Variants in TRPM2 observed in about 807,000 individuals in gnomAD.
TRPM2 encodes the protein estrogen-responsive element-associated gene 1 protein.
Under a neutral mutation model 174.0 loss-of-function variants are expected in TRPM2, and 161 were observed. The observed-to-expected ratio is 0.93, with a 90% CI of 0.81 to 1.05. The LOEUF is 1.05. Among genes scored for constraint, TRPM2 ranks in the 50% least tolerant of loss-of-function variants. The pLI is 0.00. For synonymous variants in TRPM2, 954 were observed against 861.3 expected (o/e 1.11, Z -1.88); for missense variants, 2,057 against 2,038.0 (o/e 1.01, Z -0.18).
chr21:44,428,061 G>A (rs1033322611), intron 27 of TRPM2, among the ~76,000 whole-genome samples: 3 of 152,176 alleles, frequency 2.0e-5, no homozygotes, highest in African/African-American at 7.2e-5. Flanking sequence ...GACTTGGCAG[G>A]ACGTGGTGTC....
intron 22 of TRPM2, among the ~76,000 whole-genome samples, chr21:44,420,048 G>T (rs961274065): frequency 1.3e-5 from 2 of 152,060 alleles, no homozygotes; most frequent in African/African-American, 4.8e-5. Context: ...GGACCTTAAT[G>T]AACTAGCTGA....
Position 44,400,379 on chromosome 21 carries a change from AGGGCTGCGGGGCTGCGGGACTGTG to A in TRPM2, c.2321+28_2321+51del, listed in dbSNP as rs778185559. 47 of 1,607,366 alleles carry A rather than the reference AGGGCTGCGGGGCTGCGGGACTGTG, an allele frequency of 2.9e-5. No individual in the cohort carries two copies. Among genetic ancestry groups the A allele is most frequent in the South Asian group, 1.3e-4 (12 of 90,750 alleles). ...CGGCCTCATCTCCTTCAGGTGCTGC[AGGGCTGCGGGGCTGCGGGACTGTG>A]GGGCTGCGGGGCTGCGGGAGAGGCT... is the stretch of plus-strand genomic sequence containing the variant. On this transcript the variant is annotated intron_variant, in intron 15 of 31. Transcript: ENST00000397928.
Position 44,441,985 on chromosome 21 carries a change from C to T in TRPM2, c.*168C>T. On this transcript the variant is annotated 3_prime_UTR_variant, in exon 32 of 32. Coordinates refer to ENST00000397928, the MANE Select transcript of TRPM2 (RefSeq NM_003307.4). ...CTGCCGCAAGTCTGCTGCAGATGAC[C>T]TCATGAACTGGAAGGGGTCAAGGTG... 2 of 1,039,006 alleles carry T rather than the reference C, an allele frequency of 1.9e-6. No homozygotes were observed. The highest frequency in any genetic ancestry group is 2.6e-6 in the Non-Finnish European group (2 of 772,236). 64.4% of individuals were successfully genotyped at this position (1,039,006 alleles called of 1,614,324 possible).
At chr21:44,418,301 G>T (rs1004407921) in intron 21 of TRPM2, 122 bp from the exon 22 acceptor site, 43 of 1,431,104 alleles carry the variant, frequency 3.0e-5, no homozygotes, top group Non-Finnish European at 3.9e-5. Flanking sequence ...GCAGGTGTGC[G>T]ATGGGCTCTT....
At position 44,366,984 on chromosome 21, in the gene TRPM2, G is replaced by T. The variant is rs773883279; in HGVS notation, c.604+50G>T. 3 of 1,526,626 alleles carry T rather than the reference G, an allele frequency of 2.0e-6. No individual in the cohort carries two copies. The highest frequency in any genetic ancestry group is 2.6e-6 in the Non-Finnish European group (3 of 1,135,424). The allele number at this position is 1,526,626 out of a possible 1,614,324, so 94.6% of individuals were successfully genotyped here. ...GAGGCCCCGGCGGGTGGGGTGGGCTGTGGAGGCAGTGCTGGGGCAATCAGG... is the reference window on the plus strand; with the variant it reads ...GAGGCCCCGGCGGGTGGGGTGGGCTTTGGAGGCAGTGCTGGGGCAATCAGG... On this transcript the variant is annotated intron_variant, in intron 4 of 31. Coordinates refer to ENST00000397928, the MANE Select transcript of TRPM2 (RefSeq NM_003307.4). This position sits in a 1 kb window ranked among gnomAD's most constrained non-coding sequence, Gnocchi z 6.0.
rs1380088620 is a variant in TRPM2, at chr21:44,439,435, G to A, written c.4269+267G>A. ...CTCTAAATCAAGGGGGATGGGCTGAGGACCCTTGCTGCCTTCGAGTGTGAC... is the reference window on the plus strand; with the variant it reads ...CTCTAAATCAAGGGGGATGGGCTGAAGACCCTTGCTGCCTTCGAGTGTGAC... On this transcript the variant is annotated intron_variant, in intron 30 of 31. Transcript: ENST00000397928. This position sits in a 1 kb window ranked among gnomAD's most constrained non-coding sequence, Gnocchi z 5.1. Among the ~76,000 whole-genome samples the A allele has an allele frequency of 6.6e-6, 1 of 152,176 alleles. No homozygotes were observed. Among genetic ancestry groups the A allele is most frequent in the Non-Finnish European group, 1.5e-5 (1 of 68,030 alleles).
intron 9 of TRPM2, among the ~76,000 whole-genome samples, chr21:44,389,059 C>T (rs1439064452): frequency 1.3e-5 from 2 of 152,154 alleles, no homozygotes; most frequent in African/African-American, 2.4e-5. Flanking sequence ...TGAATATTCC[C>T]TCATGGCCCT....
At chr21:44,417,879 C>A in intron 20 of TRPM2, 48 bp from the exon 21 acceptor site, 1 of 1,581,336 alleles carries the variant, frequency 6.3e-7, no homozygotes, top group Non-Finnish European at 8.6e-7. Context: ...GGGGTCTGTT[C>A]TGGGTAAACA....
intron 22 of TRPM2, 161 bp from the exon 23 acceptor site, chr21:44,423,484 A>G: frequency 1.6e-6 from 1 of 642,456 alleles, no homozygotes; most frequent in Non-Finnish European, 2.8e-6. Flanking sequence ...GTTTGGTTCT[A>G]TGGGAGAAAT....
At position 44,438,189 on chromosome 21, in the gene TRPM2, G is replaced by T. The variant is rs1236068952; in HGVS notation, c.4168-878G>T. On this transcript the variant is annotated intron_variant, in intron 29 of 31. Coordinates refer to ENST00000397928, the MANE Select transcript of TRPM2 (RefSeq NM_003307.4). The surrounding 1 kb of genome is among the most constrained non-coding windows in gnomAD (Gnocchi z 5.9). ...TGGAACCACCCCCGCAGCAGAGGGG[G>T]CCTTTGGCCTTGGGGTCCCCTTGCT... 6.6e-6 allele frequency among the ~76,000 whole-genome samples: 1 copy of T among 152,240 alleles called. No individual in the cohort carries two copies. Among genetic ancestry groups the T allele is most frequent in the Non-Finnish European group, 1.5e-5 (1 of 68,046 alleles).
At chr21:44,365,406 G>A (rs926257565) in intron 3 of TRPM2, among the ~76,000 whole-genome samples, 2 of 152,228 alleles carry the variant, frequency 1.3e-5, no homozygotes, top group South Asian at 2.1e-4. Flanking sequence ...GGCAGGTCCC[G>A]GAGACGGGGT....
Position 44,354,211 on chromosome 21 carries a change from T to C in TRPM2, c.165+346T>C, listed in dbSNP as rs2047994186. On this transcript the variant is annotated intron_variant, in intron 1 of 31. Coordinates refer to ENST00000397928, the MANE Select transcript of TRPM2 (RefSeq NM_003307.4). The surrounding 1 kb of genome is among the most constrained non-coding windows in gnomAD (Gnocchi z 4.3). The stretch of plus-strand genomic sequence containing the variant: ...GGAGGGCCTGGGCCTGGGCTAGCTT[T>C]CCCCAAAGCCCTGGATACAAAGACA... 6.6e-6 allele frequency among the ~76,000 whole-genome samples: 1 copy of C among 152,198 alleles called. No individual in the cohort carries two copies. Among genetic ancestry groups the C allele is most frequent in the Non-Finnish European group, 1.5e-5 (1 of 68,028 alleles).
At chr21:44,364,407 C>G (rs1263839328) in intron 3 of TRPM2, 125 bp downstream of exon 3, 1 of 1,154,840 alleles carries the variant, frequency 8.7e-7, no homozygotes, top group East Asian at 2.4e-5. Context: ...TGCATAGAGC[C>G]CACTGCACAG....
rs45617143 is a variant in TRPM2 at position 44,442,179 on chromosome 21, T to C, written c.*362T>C. On this transcript the variant is annotated 3_prime_UTR_variant, in exon 32 of 32. Coordinates refer to ENST00000397928, the MANE Select transcript of TRPM2 (RefSeq NM_003307.4). ...GCAGCTCATCCACCATGGAGGTCAT[T>C]GGCCTGAGGCAAGTTCCCCGGAGAG... 0.097 allele frequency: 19,186 copies of C among 198,152 alleles called. 2,407 individuals carry two copies. Among genetic ancestry groups the C allele is most frequent in the African/African-American group, 0.32 (13,662 of 43,246 alleles). 12.3% of individuals were successfully genotyped at this position (198,152 alleles called of 1,614,324 possible).
In TRPM2 at chr21:44,438,177, G is replaced by A. The variant is rs953631521; in HGVS notation, c.4168-890G>A. On this transcript the variant is annotated intron_variant, in intron 29 of 31. Coordinates refer to ENST00000397928, the MANE Select transcript of TRPM2 (RefSeq NM_003307.4). This position sits in a 1 kb window ranked among gnomAD's most constrained non-coding sequence, Gnocchi z 5.9. ...TGTCTCCACAGCTGGAACCACCCCCGCAGCAGAGGGGGCCTTTGGCCTTGG... is the reference window on the plus strand; with the variant it reads ...TGTCTCCACAGCTGGAACCACCCCCACAGCAGAGGGGGCCTTTGGCCTTGG... 4.7e-4 allele frequency among the ~76,000 whole-genome samples: 71 copies of A among 152,354 alleles called. No homozygotes were observed. The highest frequency in any genetic ancestry group is 1.5e-3 in the African/African-American group (64 of 41,590).
intron 22 of TRPM2, 187 bp from the exon 23 acceptor site, chr21:44,423,458 T>C: frequency 1.7e-6 from 1 of 588,114 alleles, no homozygotes; most frequent in Non-Finnish European, 3.1e-6. Flanking sequence ...CATCTTCCCC[T>C]CTGGGGCCCT....
rs2048376619 is a variant in TRPM2, at chr21:44,366,819, G to T, written c.489G>T (p.Gly163=). 1.2e-6 allele frequency: 2 copies of T among 1,613,868 alleles called. No individual in the cohort carries two copies. Among genetic ancestry groups the T allele is most frequent in the Non-Finnish European group, 1.7e-6 (2 of 1,179,960 alleles). The part of the protein sequence containing the change: ...VIYHLMTQHW[G]LDVPNLLISV... ...ACCACCTCATGACCCAGCACTGGGG[G>T]CTGGACGTCCCCAATCTCTTGATCT... Residue 163 remains glycine (G), a synonymous_variant, in exon 4 of 32, where the codon GGG becomes GGT. Transcript: ENST00000397928. This position sits in a 1 kb window ranked among gnomAD's most constrained non-coding sequence, Gnocchi z 6.0.
At chr21:44,396,323 G>A (rs2049395113) in intron 12 of TRPM2, among the ~76,000 whole-genome samples, 1 of 28,938 alleles carries the variant, frequency 3.5e-5, no homozygotes, top group Non-Finnish European at 6.3e-5. Context: ...GGGTGTGGAG[G>A]ATGTGGAGGG....
At position 44,353,686 on chromosome 21, in the gene TRPM2, C is replaced by A. The variant is rs369007875; in HGVS notation, c.-15C>A. The A allele has an allele frequency of 6.8e-6, 10 of 1,478,492 alleles. No individual in the cohort carries two copies. Among genetic ancestry groups the A allele is most frequent in the Non-Finnish European group, 9.0e-6 (10 of 1,116,970 alleles). The allele number at this position is 1,478,492 out of a possible 1,614,324, so 91.6% of individuals were successfully genotyped here. ...GGGCAGCAGGCCTGGTTGCAGCTGG[C>A]GTGGGGGTCTCAGAATGGAGCCCTC... On this transcript the variant is annotated 5_prime_UTR_variant, in exon 1 of 32. Transcript: ENST00000397928.
Sources: allele counts gnomAD v4.1 joint callset (sites outside exome capture counted in the v4.1 genomes callset), GRCh38; gene constraint gnomAD v4.1.1; non-coding constraint Gnocchi (gnomAD v3.1); transcripts MANE v1.5; gene names NCBI Gene and HGNC (gene_info 2026-07-23, HGNC 2026-07-21).